Variants in PRTG observed in about 807,000 individuals in gnomAD.
PRTG encodes the protein immunoglobulin superfamily, DCC subclass, member 5.
Under a neutral mutation model 122.5 loss-of-function variants are expected in PRTG, and 67 were observed. The ratio of observed to expected loss-of-function variants is 0.55; its 90% CI spans 0.45 to 0.67. The LOEUF (loss-of-function observed/expected upper bound fraction) is 0.67, where lower values mean the gene tolerates loss of function less well. PRTG is among the 30% of genes least tolerant of loss of function. The pLI, the probability that PRTG is intolerant of heterozygous loss-of-function variation, is 0.00. For missense variants in PRTG, 1,435 were observed against 1,415.4 expected (o/e 1.01, Z -0.22); for synonymous variants, 554 against 501.1 (o/e 1.11, Z -1.41).
At position 55,742,957 on chromosome 15, in the gene PRTG, C is replaced by T. The variant is rs1479433474; in HGVS notation, c.-26G>A. On this transcript the variant is annotated 5_prime_UTR_variant, in exon 1 of 20. Coordinates refer to ENST00000389286, the MANE Select transcript of PRTG (RefSeq NM_173814.6). ...TCAGCGTAGCCGCGCGGGCATGCTC[C>T]CCGGCCGCCCAGAGCCCCTGTCCGT... 3.4e-6 allele frequency: 5 copies of T among 1,484,690 alleles called. No individual in the cohort carries two copies. Among genetic ancestry groups the T allele is most frequent in the Non-Finnish European group, 4.5e-6 (5 of 1,117,928 alleles). The allele number at this position is 1,484,690 out of a possible 1,614,324, so 92.0% of individuals were successfully genotyped here. A position where few individuals can be genotyped will look rare whatever the true frequency, so the allele number is the denominator to read the frequency against.
At chr15:55,674,200 T>C (rs2059489474) in intron 9 of PRTG, among the ~76,000 whole-genome samples, 1 of 152,192 alleles carries the variant, frequency 6.6e-6, no homozygotes, top group African/African-American at 2.4e-5. Flanking sequence ...TTCAGGAAAA[T>C]GAGTCAAATA....
chr15:55,715,807 T>TGGTC (rs2030577828), intron 2 of PRTG, among the ~76,000 whole-genome samples: 1 of 152,234 alleles, frequency 6.6e-6, no homozygotes, highest in African/African-American at 2.4e-5. Context: ...TGACTTGACT[T>TGGTC]GGTCTCTCAG....
At chr15:55,738,516 GT>G in intron 2 of PRTG, 2 of 701,260 alleles carry the variant, frequency 2.9e-6, no homozygotes, top group African/African-American at 3.5e-5. Flanking sequence ...GATAAGATAA[GT>G]TACAGTTCCT....
intron 11 of PRTG, 45 bp from the exon 12 acceptor site, chr15:55,641,253 T>C: frequency 7.1e-7 from 1 of 1,411,058 alleles, no homozygotes; most frequent in Non-Finnish European, 1.0e-6. Context: ...GGTCTCTAGA[T>C]CTGAGCAAAG....
chr15:55,638,971 T>C (rs1157505010), intron 13 of PRTG, among the ~76,000 whole-genome samples: 1 of 151,940 alleles, frequency 6.6e-6, no homozygotes, highest in Non-Finnish European at 1.5e-5. Flanking sequence ...CATTCATTCA[T>C]TCATTCATTC....
At chr15:55,740,298 C>T (rs1187516802) in intron 2 of PRTG, 84 bp downstream of exon 2, 11 of 1,280,932 alleles carry the variant, frequency 8.6e-6, no homozygotes, top group East Asian at 2.3e-5. Context: ...ATGCATGATT[C>T]GGGGGATTAT....
intron 2 of PRTG, among the ~76,000 whole-genome samples, chr15:55,733,134 G>A (rs545745978): frequency 5.3e-5 from 8 of 151,970 alleles, no homozygotes; most frequent in Admixed American, 4.6e-4. Flanking sequence ...GCTTGAACCC[G>A]GGAGGCAGAG....
intron 4 of PRTG, chr15:55,681,547 C>T (rs911006376): frequency 2.6e-5 from 4 of 151,852 alleles, no homozygotes; most frequent in Non-Finnish European, 4.4e-5. Context: ...AAATTGTGCT[C>T]GCTTAATATT....
intron 15 of PRTG, among the ~76,000 whole-genome samples, chr15:55,631,129 G>T (rs2059225323): frequency 1.3e-5 from 2 of 152,214 alleles, no homozygotes; most frequent in African/African-American, 2.4e-5. Context: ...TTGGCCTGAA[G>T]AGAGTGTGAG....
chr15:55,683,754 A>G (rs752755640), intron 3 of PRTG, 33 bp downstream of exon 3: 3 of 1,588,590 alleles, frequency 1.9e-6, no homozygotes, highest in East Asian at 2.2e-5. Flanking sequence ...CATTACTCCC[A>G]TATCATCTCC....
chr15:55,668,457 C>G (rs1242790732), intron 11 of PRTG, among the ~76,000 whole-genome samples: 2 of 152,070 alleles, frequency 1.3e-5, no homozygotes, highest in Admixed American at 6.5e-5. Context: ...TATCAGGGAA[C>G]AAAAGTATGT....
chr15:55,654,969 G>A (rs1382230587), intron 11 of PRTG: 1 of 152,106 alleles, frequency 6.6e-6, no homozygotes, highest in African/African-American at 2.4e-5. Flanking sequence ...TCAACCCTCA[G>A]CAGTGAAAAA....
intron 2 of PRTG, among the ~76,000 whole-genome samples, chr15:55,691,450 A>C (rs2059601253): frequency 6.6e-6 from 1 of 152,134 alleles, no homozygotes; most frequent in Non-Finnish European, 1.5e-5. Flanking sequence ...TGGGAGGCCA[A>C]GGAGGGTGGA....
At chr15:55,712,143 G>C (rs1460538851) in intron 2 of PRTG, among the ~76,000 whole-genome samples, 1 of 152,154 alleles carries the variant, frequency 6.6e-6, no homozygotes, top group Admixed American at 6.5e-5. Flanking sequence ...CTGCATCCTA[G>C]CCTTTTAAAT....
intron 11 of PRTG, among the ~76,000 whole-genome samples, chr15:55,648,967 C>T (rs978775784): frequency 2.0e-5 from 3 of 151,680 alleles, no homozygotes; most frequent in East Asian, 1.9e-4. Context: ...CGTGGTGATA[C>T]GTGCCTACAG....
intron 2 of PRTG, among the ~76,000 whole-genome samples, chr15:55,739,414 T>C (rs1339475387): frequency 1.3e-5 from 2 of 152,140 alleles, no homozygotes; most frequent in African/African-American, 4.8e-5. Flanking sequence ...TGCCTTTATC[T>C]CAAGAATGCC....
At chr15:55,696,010 C>T (rs1315948011) in intron 2 of PRTG, among the ~76,000 whole-genome samples, 3 of 152,098 alleles carry the variant, frequency 2.0e-5, no homozygotes, top group Non-Finnish European at 4.4e-5. Flanking sequence ...CACAGTGGTT[C>T]ACACCTGTAA....
chr15:55,734,730 T>C (rs1269474965), intron 2 of PRTG, among the ~76,000 whole-genome samples: 1 of 110,570 alleles, frequency 9.0e-6, no homozygotes, highest in African/African-American at 3.4e-5. Flanking sequence ...TCAAAAGTAG[T>C]TTCTGAGAAC....
intron 2 of PRTG, among the ~76,000 whole-genome samples, chr15:55,735,164 A>C (rs1053397687): frequency 5.3e-5 from 8 of 152,142 alleles, no homozygotes; most frequent in African/African-American, 1.9e-4. Context: ...GATTTTTATG[A>C]TTTCTTTTAA....
Sources: allele counts gnomAD v4.1 joint callset (sites outside exome capture counted in the v4.1 genomes callset), GRCh38; gene constraint gnomAD v4.1.1; transcripts MANE v1.5; gene names NCBI Gene and HGNC (gene_info 2026-07-23, HGNC 2026-07-21).